Variants in WFIKKN2 observed in about 807,000 individuals in gnomAD.
The protein encoded by WFIKKN2 is WAP, follistatin/kazal, immunoglobulin, kunitz and netrin domain containing 2.
Under a neutral mutation model 39.2 loss-of-function variants are expected in WFIKKN2, and 25 were observed. The observed-to-expected ratio is 0.64, with a 90% CI of 0.47 to 0.89. WFIKKN2 has a LOEUF of 0.89. WFIKKN2 is among the 40% of genes least tolerant of loss of function. The pLI is 0.00. For synonymous variants in WFIKKN2, 345 were observed against 329.7 expected, an observed-to-expected ratio of 1.05 and a Z score of -0.50; for missense variants, 770 against 811.7, an observed-to-expected ratio of 0.95 and a Z score of 0.62.
intron 1 of WFIKKN2, among the ~76,000 whole-genome samples, chr17:50,837,488 G>T (rs1971974454): frequency 1.3e-5 from 2 of 152,076 alleles, no homozygotes. Context: ...ACCCCCTCTG[G>T]GGCAACAGGC....
intron 1 of WFIKKN2, among the ~76,000 whole-genome samples, chr17:50,837,058 C>T (rs1011179368): frequency 4.6e-5 from 7 of 152,202 alleles, no homozygotes; most frequent in African/African-American, 1.7e-4. Flanking sequence ...GCTACTGTGG[C>T]CAGCACCGTG....
chr17:50,834,794 T>C (rs1460316540), upstream of WFIKKN2: 1 of 152,252 alleles, frequency 6.6e-6, no homozygotes, highest in Admixed American at 6.5e-5. Context: ...TGTGCGACCT[T>C]GGACAAGTCG....
At position 50,840,200 on chromosome 17, in the gene WFIKKN2, G is replaced by T; in HGVS notation, c.912G>T (p.Val304=). Residue 304 remains valine, a synonymous_variant, in exon 2 of 2, where the codon GTG becomes GTT. Transcript: ENST00000311378. ...TGAGGGCTGATTTCCCGCTGTCGGT[G>T]GTCAGGGGTCATCAGGCTGCAGCCA... ...GVLRADFPLS[V]VRGHQAAATS... 1 of 1,613,784 alleles carries T rather than the reference G, an allele frequency of 6.2e-7. No homozygotes were observed. Among genetic ancestry groups the T allele is most frequent in the South Asian group, 1.1e-5 (1 of 91,076 alleles).
Position 50,840,146 on chromosome 17 carries a change from C to T in WFIKKN2, c.858C>T (p.Thr286=). 6.2e-7 allele frequency: 1 copy of T among 1,614,114 alleles called. No homozygotes were observed. Among genetic ancestry groups the T allele is most frequent in the Non-Finnish European group, 8.5e-7 (1 of 1,180,026 alleles). The change falls in exon 2 of 2, where the codon ACC becomes ACT. Residue 286 remains threonine (T), a synonymous_variant. Coordinates refer to ENST00000311378, the MANE Select transcript of WFIKKN2 (RefSeq NM_175575.6). The part of the protein sequence containing the change: ...NAQLQDAGIY[T]CTARNVAGVL... The stretch of plus-strand genomic sequence containing the variant: ...AGCTGCAGGATGCTGGGATCTACAC[C>T]TGCACGGCCCGGAACGTGGCTGGGG...
rs776098786 is a variant in WFIKKN2 at position 50,836,043 on chromosome 17, C to T, written c.106C>T (p.Pro36Ser). The change falls in exon 1 of 2, where the codon CCG (proline) becomes TCG (serine). Residue 36 changes from proline (P) to serine (S), a missense_variant. Physicochemically the swap from Pro to Ser is moderately conservative, Grantham distance 74 (BLOSUM62 -1). Transcript: ENST00000311378. ...GGTGCCCCCGCGAAGCCTGGCGCTG[C>T]CGCCCATCCGCTATTCCCACGCCGG... Reference protein sequence around the residue: ...LGVPPRSLALPPIRYSHAGIC... With the variant: ...LGVPPRSLALSPIRYSHAGIC... 1 of 1,601,916 alleles carries T rather than the reference C, an allele frequency of 6.2e-7. No individual in the cohort carries two copies. The highest frequency in any genetic ancestry group is 2.3e-5 in the East Asian group (1 of 44,224).
In WFIKKN2 at chr17:50,840,188, C is replaced by T. The variant is rs770776431; in HGVS notation, c.900C>T (p.Phe300=). Residue 300 remains phenylalanine, a synonymous_variant, in exon 2 of 2, where the codon TTC becomes TTT. Transcript: ENST00000311378. The part of the protein sequence containing the change: ...RNVAGVLRAD[F]PLSVVRGHQA... ...TGGCTGGGGTCCTGAGGGCTGATTTCCCGCTGTCGGTGGTCAGGGGTCATC... is the reference window on the plus strand; with the variant it reads ...TGGCTGGGGTCCTGAGGGCTGATTTTCCGCTGTCGGTGGTCAGGGGTCATC... The T allele has an allele frequency of 4.5e-5, 72 of 1,613,696 alleles. No homozygotes were observed. Among genetic ancestry groups the T allele is most frequent in the Non-Finnish European group, 2.1e-5 (25 of 1,180,038 alleles).
At position 50,840,770 on chromosome 17, in the gene WFIKKN2, G is replaced by A; in HGVS notation, c.1482G>A (p.Met494Ile). The A allele has an allele frequency of 6.2e-7, 1 of 1,614,108 alleles. No homozygotes were observed. Among genetic ancestry groups the A allele is most frequent in the East Asian group, 2.2e-5 (1 of 44,880 alleles). Reference sequence around the variant, plus strand: ...ATGAGGTCCTAAAGGATGAGAAAATGGGCCTCAAGTTCCTGGGCCAGGAGC... The same window carrying A: ...ATGAGGTCCTAAAGGATGAGAAAATAGGCCTCAAGTTCCTGGGCCAGGAGC... ...TVDEVLKDEKMGLKFLGQEPL... is the reference protein window; with the variant it reads ...TVDEVLKDEKIGLKFLGQEPL... Residue 494 changes from methionine to isoleucine, a missense_variant, in exon 2 of 2, where the codon ATG becomes ATA. Coordinates refer to ENST00000311378, the MANE Select transcript of WFIKKN2 (RefSeq NM_175575.6).
upstream of WFIKKN2, chr17:50,835,018 G>A (rs1971936857): frequency 6.6e-6 from 1 of 152,292 alleles, no homozygotes; most frequent in Non-Finnish European, 1.5e-5. Flanking sequence ...CGCCGGCGGG[G>A]CCAGAGCATA....
chr17:50,838,889 G>A (rs7225619), intron 1 of WFIKKN2, among the ~76,000 whole-genome samples: 99,373 of 151,960 alleles, frequency 0.65, 32,846 homozygotes, highest in Non-Finnish European at 0.72. Context: ...AAGTCCCAGG[G>A]GCATTCCCCT....
In WFIKKN2 at chr17:50,840,800, G is replaced by A. The variant is rs1404862903; in HGVS notation, c.1512G>A (p.Leu504=). 1.9e-6 allele frequency: 3 copies of A among 1,614,020 alleles called. No individual in the cohort carries two copies. In the African/African-American group the frequency reaches 4.0e-5, roughly 22 times the overall value. The change falls in exon 2 of 2, where the codon TTG becomes TTA. Residue 504 remains leucine, a synonymous_variant. Coordinates refer to ENST00000311378, the MANE Select transcript of WFIKKN2 (RefSeq NM_175575.6). ...MGLKFLGQEP[L]EVTLLHVDWA... is the part of the protein sequence containing the mutation. ...TCAAGTTCCTGGGCCAGGAGCCATT[G>A]GAGGTCACTCTGCTTCACGTGGACT...
chr17:50,837,637 A>G (rs1597980495), intron 1 of WFIKKN2, among the ~76,000 whole-genome samples: 1 of 152,330 alleles, frequency 6.6e-6, no homozygotes, highest in East Asian at 1.9e-4. Flanking sequence ...GTTCCCCCAT[A>G]GATGCCTGGT....
rs559482333 is a variant in WFIKKN2, at chr17:50,837,657, G to A, written c.210+1510G>A. ...CCCATAGATGCCTGGTTACCCACAG[G>A]AGAGCAGAGGGCTGACCTGGAGAGG... On this transcript the variant is annotated intron_variant, in intron 1 of 1. Coordinates refer to ENST00000311378, the MANE Select transcript of WFIKKN2 (RefSeq NM_175575.6). Among the ~76,000 whole-genome samples, 7 of 152,358 alleles carry A rather than the reference G, an allele frequency of 4.6e-5. No homozygotes were observed. The South Asian group carries it at 1.0e-3, about 23-fold the overall frequency.
chr17:50,836,940 G>A (rs1971967778), intron 1 of WFIKKN2, among the ~76,000 whole-genome samples: 1 of 150,400 alleles, frequency 6.6e-6, no homozygotes, highest in South Asian at 2.1e-4. Context: ...GAGAGAAACA[G>A]GGCACCATCC....
rs748198972 is a variant in WFIKKN2 at position 50,836,022 on chromosome 17, C to A, written c.85C>A (p.Pro29Thr). 1.9e-6 allele frequency: 3 copies of A among 1,601,030 alleles called. No homozygotes were observed. The highest frequency in any genetic ancestry group is 2.7e-5 in the African/African-American group (2 of 74,740). Residue 29 changes from proline (P) to threonine (T), a missense_variant, in exon 1 of 2, where the codon CCC becomes ACC. Transcript: ENST00000311378. Reference protein sequence around the residue: ...LLLLLLLLGVPPRSLALPPIR... With the variant: ...LLLLLLLLGVTPRSLALPPIR... Reference sequence around the variant, plus strand: ...GCTGCTGCTGCTACTGCTCGGGGTGCCCCCGCGAAGCCTGGCGCTGCCGCC... The same window carrying A: ...GCTGCTGCTGCTACTGCTCGGGGTGACCCCGCGAAGCCTGGCGCTGCCGCC...
chr17:50,836,544 A>T (rs1186621137), intron 1 of WFIKKN2, among the ~76,000 whole-genome samples: 4 of 120,358 alleles, frequency 3.3e-5, no homozygotes, highest in African/African-American at 9.8e-5. Context: ...CAGAAGCTGG[A>T]GTGTGAGGCG....
Position 50,835,979 on chromosome 17 carries a change from G to A in WFIKKN2, c.42G>A (p.Glu14=). Residue 14 remains glutamate (E), a synonymous_variant, in exon 1 of 2, where the codon GAG becomes GAA. Coordinates refer to ENST00000311378, the MANE Select transcript of WFIKKN2 (RefSeq NM_175575.6). The part of the protein sequence containing the change: ...PRCRRFWSRW[E]QVAALLLLLL... Reference sequence around the variant, plus strand: ...GTCGCCGGTTCTGGTCTCGCTGGGAGCAGGTGGCAGCGCTGCTGCTGCTGC... The same window carrying A: ...GTCGCCGGTTCTGGTCTCGCTGGGAACAGGTGGCAGCGCTGCTGCTGCTGC... 6.2e-7 allele frequency: 1 copy of A among 1,609,060 alleles called. No homozygotes were observed. The highest frequency in any genetic ancestry group is 8.5e-7 in the Non-Finnish European group (1 of 1,178,142).
At position 50,835,755 on chromosome 17, in the gene WFIKKN2, G is replaced by A; in HGVS notation, c.-183G>A. 1 of 638,234 alleles carries A rather than the reference G, an allele frequency of 1.6e-6. No homozygotes were observed. The highest frequency in any genetic ancestry group is 2.7e-6 in the Non-Finnish European group (1 of 374,540). 39.5% of individuals were successfully genotyped at this position (638,234 alleles called of 1,614,324 possible). A position where few individuals can be genotyped will look rare whatever the true frequency, so the allele number is the denominator to read the frequency against. On this transcript the variant is annotated 5_prime_UTR_variant, in exon 1 of 2. Coordinates refer to ENST00000311378, the MANE Select transcript of WFIKKN2 (RefSeq NM_175575.6). Reference sequence around the variant, plus strand: ...CCTTTCTTTTATCTGAAGCCGCACAGCCCGGCAGGCTGTGCTGACTTGGTG... The same window carrying A: ...CCTTTCTTTTATCTGAAGCCGCACAACCCGGCAGGCTGTGCTGACTTGGTG...
Position 50,840,773 on chromosome 17 carries a change from C to T in WFIKKN2, c.1485C>T (p.Gly495=), listed in dbSNP as rs776285486. The T allele has an allele frequency of 6.2e-7, 1 of 1,614,058 alleles. No homozygotes were observed. The highest frequency in any genetic ancestry group is 8.5e-7 in the Non-Finnish European group (1 of 1,180,008). ...VDEVLKDEKM[G]LKFLGQEPLE... ...AGGTCCTAAAGGATGAGAAAATGGG[C>T]CTCAAGTTCCTGGGCCAGGAGCCAT... Residue 495 remains glycine (G), a synonymous_variant, in exon 2 of 2, where the codon GGC becomes GGT. Coordinates refer to ENST00000311378, the MANE Select transcript of WFIKKN2 (RefSeq NM_175575.6).
chr17:50,836,214 G>C (rs557158181), intron 1 of WFIKKN2, 67 bp downstream of exon 1: 4 of 1,554,084 alleles, frequency 2.6e-6, no homozygotes, highest in Non-Finnish European at 3.5e-6. Flanking sequence ...GGGAGCCGTC[G>C]GGGAGGGACT....
Sources: gnomAD v4.1 joint callset for allele counts (sites outside exome capture counted in the v4.1 genomes callset) on GRCh38, gnomAD v4.1.1 for gene constraint, MANE v1.5 for transcripts, NCBI Gene and HGNC (gene_info 2026-07-23, HGNC 2026-07-21) for gene names.